Variants in NECTIN3 observed in about 807,000 individuals in gnomAD.
NECTIN3 encodes nectin cell adhesion molecule 3.
A neutral mutation model predicts 49.4 loss-of-function variants in NECTIN3; 8 were observed. That is an observed-to-expected ratio of 0.16 (90% confidence interval 0.10 to 0.29). The LOEUF (loss-of-function observed/expected upper bound fraction) is 0.29. NECTIN3 is among the 10% of genes least tolerant of loss of function. The pLI, the probability that NECTIN3 is intolerant of heterozygous loss-of-function variation, is 1.00. For synonymous variants in NECTIN3, 277 were observed against 241.1 expected (o/e 1.15, Z -1.38); for missense variants, 581 against 654.6 (o/e 0.89, Z 1.23).
chr3:111,136,119 C>T lies in NECTIN3; in HGVS notation c.*1904C>T. On this transcript the variant is annotated 3_prime_UTR_variant, in exon 6 of 6. Transcript: ENST00000485303. ...GAAAGATGGGTCTAAAATTTCTCCCCATGAAAGATGTAAAACTATGGCTTT... is the reference window on the plus strand; with the variant it reads ...GAAAGATGGGTCTAAAATTTCTCCCTATGAAAGATGTAAAACTATGGCTTT... 1.0e-6 allele frequency: 1 copy of T among 983,732 alleles called. No homozygotes were observed. The highest frequency in any genetic ancestry group is 1.2e-6 in the Non-Finnish European group (1 of 828,662). 60.9% of individuals were successfully genotyped at this position (983,732 alleles called of 1,614,324 possible). A position where few individuals can be genotyped will look rare whatever the true frequency, so the allele number is the denominator to read the frequency against.
chr3:111,125,654 T>G (rs566517727), intron 4 of NECTIN3, among the ~76,000 whole-genome samples: 1 of 152,328 alleles, frequency 6.6e-6, no homozygotes, highest in Admixed American at 6.5e-5. Flanking sequence ...AGACCCATTT[T>G]GCTGTTTTAG....
At chr3:111,098,542 C>T (rs935521183) in intron 1 of NECTIN3, among the ~76,000 whole-genome samples, 1 of 152,214 alleles carries the variant, frequency 6.6e-6, no homozygotes, top group African/African-American at 2.4e-5. Context: ...TCTCTGACCT[C>T]ACTCTGTGTA....
downstream of NECTIN3, among the ~76,000 whole-genome samples, chr3:111,140,681 A>G (rs1168534459): frequency 1.3e-5 from 2 of 151,864 alleles, no homozygotes. Flanking sequence ...AATCTAGATA[A>G]GTTATTAGTT....
At position 111,135,922 on chromosome 3, in the gene NECTIN3, G is replaced by A; in HGVS notation, c.*1707G>A. 1 of 918,564 alleles carries A rather than the reference G, an allele frequency of 1.1e-6. No homozygotes were observed. The highest frequency in any genetic ancestry group is 1.3e-6 in the Non-Finnish European group (1 of 770,232). 56.9% of individuals were successfully genotyped at this position (918,564 alleles called of 1,614,324 possible). A position where few individuals can be genotyped will look rare whatever the true frequency, so the allele number is the denominator to read the frequency against. On this transcript the variant is annotated 3_prime_UTR_variant, in exon 6 of 6. Transcript: ENST00000485303. The stretch of plus-strand genomic sequence containing the variant: ...GCTGTAGTATCAGGTTAAGGATACA[G>A]ATAAATAAAGTTCACTTATATCTTC...
chr3:111,090,006 C>G (rs1267788239), intron 1 of NECTIN3, among the ~76,000 whole-genome samples: 1 of 152,106 alleles, frequency 6.6e-6, no homozygotes, highest in Non-Finnish European at 1.5e-5. Context: ...GGCCCTGTAT[C>G]TCTAGCATTA....
Position 111,135,111 on chromosome 3 carries a change from T to A in NECTIN3, c.*896T>A. Reference sequence around the variant, plus strand: ...TTTCGGAATACTGAAGTACTAGTTTTAGAAATGAGACTTTCAGCCAACAAT... The same window carrying A: ...TTTCGGAATACTGAAGTACTAGTTTAAGAAATGAGACTTTCAGCCAACAAT... On this transcript the variant is annotated 3_prime_UTR_variant, in exon 6 of 6. Transcript: ENST00000485303. 4 of 979,460 alleles carry A rather than the reference T, an allele frequency of 4.1e-6. No individual in the cohort carries two copies. Among genetic ancestry groups the A allele is most frequent in the Non-Finnish European group, 4.9e-6 (4 of 824,590 alleles). 60.7% of individuals were successfully genotyped at this position (979,460 alleles called of 1,614,324 possible). A position where few individuals can be genotyped will look rare whatever the true frequency, so the allele number is the denominator to read the frequency against.
intron 1 of NECTIN3, chr3:111,074,241 T>G (rs1467260135): frequency 6.6e-6 from 3 of 456,350 alleles, no homozygotes; most frequent in Non-Finnish European, 1.3e-5. Flanking sequence ...GGAAGCAAAA[T>G]TTTCTTCAAG....
At chr3:111,109,090 A>G (rs1200903857) in intron 1 of NECTIN3, among the ~76,000 whole-genome samples, 1 of 152,122 alleles carries the variant, frequency 6.6e-6, no homozygotes, top group Non-Finnish European at 1.5e-5. Flanking sequence ...ATTGTAGACA[A>G]TCACTTTCTC....
rs200374426 is a variant in NECTIN3, at chr3:111,135,885, A to T, written c.*1670A>T. 2 of 907,878 alleles carry T rather than the reference A, an allele frequency of 2.2e-6. No individual in the cohort carries two copies. Among genetic ancestry groups the T allele is most frequent in the Non-Finnish European group, 2.6e-6 (2 of 771,740 alleles). The allele number at this position is 907,878 out of a possible 1,614,324, so 56.2% of individuals were successfully genotyped here. Reference sequence around the variant, plus strand: ...TTTTATTTCTCTTCCCAAAAGTAATACTTATTATAAGGCTGTAGTATCAGG... The same window carrying T: ...TTTTATTTCTCTTCCCAAAAGTAATTCTTATTATAAGGCTGTAGTATCAGG... On this transcript the variant is annotated 3_prime_UTR_variant, in exon 6 of 6. Transcript: ENST00000485303.
At chr3:111,072,311 C>T (rs1189296131) in intron 1 of NECTIN3, 134 bp downstream of exon 1, 3 of 1,434,402 alleles carry the variant, frequency 2.1e-6, no homozygotes, top group South Asian at 1.5e-5. Flanking sequence ...AGGACTTTGG[C>T]TGGAAACTTT....
chr3:111,130,371 A>G (rs1317426524), intron 5 of NECTIN3, among the ~76,000 whole-genome samples: 4 of 151,880 alleles, frequency 2.6e-5, no homozygotes, highest in African/African-American at 4.8e-5. Flanking sequence ...TGCTTGGAGT[A>G]TGTCAGGTAT....
intron 1 of NECTIN3, among the ~76,000 whole-genome samples, chr3:111,081,319 A>G (rs539799165): frequency 1.3e-5 from 2 of 152,256 alleles, no homozygotes; most frequent in South Asian, 2.1e-4. Flanking sequence ...AACAAGAAAA[A>G]CCACAACCCT....
At chr3:111,157,907 T>G (rs2035130526) in intron 7 of NECTIN3, among the ~76,000 whole-genome samples, 1 of 152,074 alleles carries the variant, frequency 6.6e-6, no homozygotes, top group Non-Finnish European at 1.5e-5. Context: ...AACTATACAG[T>G]TGATTAATTA....
At chr3:111,103,988 A>T (rs970381221) in intron 1 of NECTIN3, among the ~76,000 whole-genome samples, 1 of 152,212 alleles carries the variant, frequency 6.6e-6, no homozygotes, top group Non-Finnish European at 1.5e-5. Context: ...GCAAGTGTAC[A>T]AGTCTTTGTG....
At chr3:111,098,003 A>G (rs977725003) in intron 1 of NECTIN3, among the ~76,000 whole-genome samples, 6 of 152,194 alleles carry the variant, frequency 3.9e-5, no homozygotes, top group Non-Finnish European at 1.5e-5. Context: ...CTAGAATTGA[A>G]CATGGAGATC....
chr3:111,168,490 A>T (rs2035367002), intron 7 of NECTIN3, among the ~76,000 whole-genome samples: 2 of 152,100 alleles, frequency 1.3e-5, no homozygotes, highest in South Asian at 4.1e-4. Context: ...ATACACACAT[A>T]TATATATAAA....
rs1559802467 is a variant in NECTIN3 at position 111,136,118 on chromosome 3, C to T, written c.*1903C>T. The T allele has an allele frequency of 1.0e-6, 1 of 983,420 alleles. No homozygotes were observed. Among genetic ancestry groups the T allele is most frequent in the Admixed American group, 6.2e-5 (1 of 16,116 alleles). 60.9% of individuals were successfully genotyped at this position (983,420 alleles called of 1,614,324 possible). A position where few individuals can be genotyped will look rare whatever the true frequency, so the allele number is the denominator to read the frequency against. On this transcript the variant is annotated 3_prime_UTR_variant, in exon 6 of 6. Coordinates refer to ENST00000485303, the MANE Select transcript of NECTIN3 (RefSeq NM_015480.3). ...AGAAAGATGGGTCTAAAATTTCTCC[C>T]CATGAAAGATGTAAAACTATGGCTT... is the stretch of plus-strand genomic sequence containing the variant.
chr3:111,150,302 A>G (rs2034973454), intron 7 of NECTIN3, among the ~76,000 whole-genome samples: 2 of 145,370 alleles, frequency 1.4e-5, no homozygotes, highest in South Asian at 2.1e-4. Flanking sequence ...CTATCAAGAG[A>G]TTTTCTCTCC....
intron 5 of NECTIN3, among the ~76,000 whole-genome samples, chr3:111,127,565 A>AT (rs953741850): frequency 1.4e-4 from 19 of 138,986 alleles, no homozygotes; most frequent in Admixed American, 9.0e-4. Context: ...GGAAATCTGT[A>AT]TTTTTTTTTC....
Sources: gnomAD v4.1 joint callset for allele counts (sites outside exome capture counted in the v4.1 genomes callset) on GRCh38, gnomAD v4.1.1 for gene constraint, MANE v1.5 for transcripts, NCBI Gene and HGNC (gene_info 2026-07-23, HGNC 2026-07-21) for gene names.